The following WDR41 variants were observed in gnomAD, a reference collection of about 807,000 sequenced individuals.
WDR41 encodes WD repeat-containing protein 41.
WDR41 carries 63 observed loss-of-function variants against 69.3 expected under a neutral mutation model. The ratio of observed to expected loss-of-function variants is 0.91; its 90% CI spans 0.74 to 1.12. WDR41 has a LOEUF of 1.12. WDR41 is among the 50% of genes most tolerant of loss of function. The probability of loss-of-function intolerance (pLI) is 0.00; values close to 1 mark genes in which losing one functional copy is unlikely to be tolerated. For synonymous variants in WDR41, 185 were observed against 192.1 expected (o/e 0.96, Z 0.31); for missense variants, 543 against 534.5 (o/e 1.02, Z -0.16).
intron 1 of WDR41, among the ~76,000 whole-genome samples, chr5:77,538,630 T>C (rs1259684528): frequency 1.3e-5 from 2 of 152,196 alleles, no homozygotes; most frequent in Non-Finnish European, 2.9e-5. Flanking sequence ...GCAAAGGACA[T>C]GATTTTGTTC....
At chr5:77,433,815 G>T (rs1264535832) in intron 12 of WDR41, among the ~76,000 whole-genome samples, 5 of 152,192 alleles carry the variant, frequency 3.3e-5, no homozygotes. Context: ...AAATAATGCA[G>T]TATAGACTAT....
chr5:77,596,450 G>C (rs753037983), intron 1 of WDR41, among the ~76,000 whole-genome samples: 1 of 152,090 alleles, frequency 6.6e-6, no homozygotes, highest in Non-Finnish European at 1.5e-5. Flanking sequence ...TTAAGTAGAA[G>C]CAGTTTCCAA....
intron 12 of WDR41, among the ~76,000 whole-genome samples, chr5:77,435,087 G>A (rs116572725): frequency 1.6e-3 from 247 of 152,190 alleles, no homozygotes; most frequent in African/African-American, 5.3e-3. Flanking sequence ...TTGCCACCAC[G>A]TAAATGCTAT....
At chr5:77,497,224 G>C (rs1801947409), upstream of WDR41, among the ~76,000 whole-genome samples, 1 of 151,908 alleles carries the variant, frequency 6.6e-6, no homozygotes, top group Non-Finnish European at 1.5e-5. Flanking sequence ...AAATGCACAG[G>C]CAACAAAAGA....
chr5:77,473,224 G>A (rs1370884506), intron 2 of WDR41, among the ~76,000 whole-genome samples: 3 of 152,182 alleles, frequency 2.0e-5, no homozygotes, highest in Non-Finnish European at 2.9e-5. Flanking sequence ...ATGGTGCTGG[G>A]AAAACTGGCT....
At chr5:77,605,293 C>T (rs1744395290) in intron 1 of WDR41, among the ~76,000 whole-genome samples, 1 of 152,166 alleles carries the variant, frequency 6.6e-6, no homozygotes, top group African/African-American at 2.4e-5. Context: ...AAGCCTTCAC[C>T]ACTGACCTTC....
chr5:77,536,197 C>T (rs1169863477), intron 1 of WDR41, among the ~76,000 whole-genome samples: 2 of 152,022 alleles, frequency 1.3e-5, no homozygotes, highest in Non-Finnish European at 2.9e-5. Flanking sequence ...AAGCAAGCCC[C>T]CTGCAAGTCT....
intron 2 of WDR41, among the ~76,000 whole-genome samples, chr5:77,477,400 C>A (rs1017677846): frequency 9.2e-6 from 1 of 108,368 alleles, no homozygotes; most frequent in African/African-American, 5.1e-5. Context: ...CACACCTATT[C>A]CAAAATTGAC....
intron 1 of WDR41, among the ~76,000 whole-genome samples, chr5:77,490,334 AC>A (rs1470482793): frequency 6.6e-6 from 1 of 152,148 alleles, no homozygotes; most frequent in Non-Finnish European, 1.5e-5. Flanking sequence ...TGGTCTATAC[AC>A]ATTAGATGCC....
At position 77,490,910 on chromosome 5, in the gene WDR41, T is replaced by C. The variant is rs146610341; in HGVS notation, c.51+1260A>G. On this transcript the variant is annotated intron_variant, in intron 1 of 12. Coordinates refer to ENST00000296679, the MANE Select transcript of WDR41 (RefSeq NM_018268.4). The stretch of plus-strand genomic sequence containing the variant: ...CTGCAAAGACATGCGGAAGTTAAAA[T>C]TGAGAAGACTGCCTACTCTCAACAA... Among the ~76,000 whole-genome samples, 1,122 of 152,336 alleles carry C rather than the reference T, an allele frequency of 7.4e-3. 11 individuals carry two copies. The highest frequency in any genetic ancestry group is 0.031 in the Middle Eastern group (9 of 294).
At chr5:77,569,423 T>C (rs971204885) in intron 1 of WDR41, among the ~76,000 whole-genome samples, 15 of 152,178 alleles carry the variant, frequency 9.9e-5, no homozygotes, top group Non-Finnish European at 2.9e-5. Context: ...TTAAATGCTG[T>C]GAGTATTGTT....
intron 2 of WDR41, among the ~76,000 whole-genome samples, chr5:77,480,965 C>G (rs12521302): frequency 0.07 from 10,567 of 152,032 alleles, 494 homozygotes; most frequent in Non-Finnish European, 0.1. Flanking sequence ...CTCTCTCTGC[C>G]CCACTTGCTT....
intron 1 of WDR41, among the ~76,000 whole-genome samples, chr5:77,521,291 C>T (rs1003528506): frequency 2.0e-5 from 3 of 152,220 alleles, no homozygotes; most frequent in African/African-American, 7.2e-5. Flanking sequence ...AGGGTTTGAG[C>T]TCCTGTGAGA....
intron 1 of WDR41, among the ~76,000 whole-genome samples, chr5:77,537,220 T>C (rs1018622297): frequency 2.6e-5 from 4 of 152,208 alleles, no homozygotes; most frequent in Non-Finnish European, 4.4e-5. Context: ...CTGTTAACCA[T>C]TGCGTTCGGA....
At chr5:77,459,379 TG>T (rs1799951723) in intron 4 of WDR41, among the ~76,000 whole-genome samples, 2 of 152,150 alleles carry the variant, frequency 1.3e-5, no homozygotes, top group South Asian at 4.1e-4. Context: ...ACATAATGAA[TG>T]GTCTGAAGTA....
chr5:77,573,342 C>T (rs1743766839), intron 1 of WDR41, among the ~76,000 whole-genome samples: 1 of 151,870 alleles, frequency 6.6e-6, no homozygotes, highest in Non-Finnish European at 1.5e-5. Flanking sequence ...CATAGGTATA[C>T]ATGTGCCGTG....
chr5:77,536,382 C>G (rs1245904619), intron 1 of WDR41, among the ~76,000 whole-genome samples: 1 of 151,440 alleles, frequency 6.6e-6, no homozygotes, highest in Non-Finnish European at 1.5e-5. Context: ...CAAGGACTCT[C>G]AGAGATTCAT....
intron 1 of WDR41, among the ~76,000 whole-genome samples, chr5:77,500,918 C>A (rs1412685913): frequency 6.6e-6 from 1 of 152,192 alleles, no homozygotes; most frequent in African/African-American, 2.4e-5. Context: ...CCAAGATGGA[C>A]AAATAGGAGC....
intron 1 of WDR41, among the ~76,000 whole-genome samples, chr5:77,616,434 C>T (rs1744682385): frequency 6.6e-6 from 1 of 152,194 alleles, no homozygotes; most frequent in African/African-American, 2.4e-5. Context: ...ACCAGGTCCA[C>T]AGAGTCTTGA....
Sources: gnomAD v4.1 joint callset for allele counts (sites outside exome capture counted in the v4.1 genomes callset) on GRCh38, gnomAD v4.1.1 for gene constraint, MANE v1.5 for transcripts, NCBI Gene and HGNC (gene_info 2026-07-23, HGNC 2026-07-21) for gene names.